The following INPP5A variants were observed in gnomAD, a reference collection of about 807,000 sequenced individuals.
INPP5A encodes inositol polyphosphate-5-phosphatase A.
In INPP5A, 14 loss-of-function variants were observed where a neutral mutation model predicts 65.2. The ratio of observed to expected loss-of-function variants is 0.21; its 90% CI spans 0.14 to 0.34. INPP5A has a LOEUF of 0.34. Ranked by LOEUF, INPP5A falls within the 10% of genes least tolerant of loss-of-function variation. INPP5A has a pLI of 1.00. For missense variants in INPP5A, 431 were observed against 545.6 expected (o/e 0.79, Z 2.09); for synonymous variants, 207 against 208.3 (o/e 0.99, Z 0.05).
chr10:132,721,450 G>C (rs1338256039), intron 8 of INPP5A, among the ~76,000 whole-genome samples: 2 of 151,572 alleles, frequency 1.3e-5, no homozygotes, highest in Admixed American at 6.6e-5. Flanking sequence ...TGTGGTACCT[G>C]GGTTCTGTCT....
chr10:132,617,205 G>C (rs1564936260), intron 2 of INPP5A, among the ~76,000 whole-genome samples: 1 of 152,192 alleles, frequency 6.6e-6, no homozygotes, highest in Admixed American at 6.5e-5. Flanking sequence ...CTGAGGCAGA[G>C]CCAGGACAGA....
Position 132,781,900 on chromosome 10 carries a change from A to G in INPP5A, c.1198A>G (p.Lys400Glu), listed in dbSNP as rs1847169555. 2 of 1,613,754 alleles carry G rather than the reference A, an allele frequency of 1.2e-6. No individual in the cohort carries two copies. The highest frequency in any genetic ancestry group is 2.7e-5 in the African/African-American group (2 of 74,944). Residue 400 changes from lysine (K) to glutamate (E), a missense_variant, in exon 15 of 16, where the codon AAA becomes GAA. By Grantham distance (56) the Lys-to-Glu change is moderately conservative (BLOSUM62 1). Coordinates refer to ENST00000368594, the MANE Select transcript of INPP5A (RefSeq NM_005539.5). ...CTTCCGAATCATGCCCGGGGCAGGT[A>G]AACCTCATGCCCATGTGCACAAGTG... ...LAFRIMPGAG[K>E]PHAHVHKCCV...
At chr10:132,724,884 C>T (rs55791349) in intron 8 of INPP5A, among the ~76,000 whole-genome samples, 3,211 of 150,316 alleles carry the variant, frequency 0.021, 52 homozygotes, top group South Asian at 0.051. Flanking sequence ...ACGGGGAGGC[C>T]CCAGGATGAC....
chr10:132,707,890 G>A lies in INPP5A; in HGVS notation c.475-423G>A, dbSNP rs545341713. 5.4e-4 allele frequency among the ~76,000 whole-genome samples: 83 copies of A among 152,328 alleles called. No individual in the cohort carries two copies. The highest frequency in any genetic ancestry group is 9.8e-4 in the Non-Finnish European group (67 of 68,032). On this transcript the variant is annotated intron_variant, in intron 6 of 15. Coordinates refer to ENST00000368594, the MANE Select transcript of INPP5A (RefSeq NM_005539.5). The surrounding 1 kb of genome is among the most constrained non-coding windows in gnomAD (Gnocchi z 5.5). ...ACCACACACACTGTTGGGGTGGGCA[G>A]GTCACCCACTGTCCAGGACGCCTGG...
At chr10:132,772,550 CA>C (rs1238183117) in intron 12 of INPP5A, among the ~76,000 whole-genome samples, 1 of 115,350 alleles carries the variant, frequency 8.7e-6, no homozygotes, top group African/African-American at 3.2e-5. Flanking sequence ...AGCACTGACA[CA>C]GAGGCCACGG....
intron 2 of INPP5A, among the ~76,000 whole-genome samples, chr10:132,639,768 T>C (rs2072403041): frequency 6.6e-6 from 1 of 152,220 alleles, no homozygotes; most frequent in Non-Finnish European, 1.5e-5. Flanking sequence ...TTGCTGAACC[T>C]TTGTGCTTTC....
chr10:132,742,744 G>C (rs138980118), intron 9 of INPP5A, among the ~76,000 whole-genome samples: 1 of 152,200 alleles, frequency 6.6e-6, no homozygotes. Context: ...GGAATCCCTG[G>C]TGAACCGGGG....
chr10:132,680,606 T>C (rs1281706208), intron 4 of INPP5A, among the ~76,000 whole-genome samples: 5 of 152,222 alleles, frequency 3.3e-5, no homozygotes, highest in Non-Finnish European at 5.9e-5. Context: ...GGGAGCCCCT[T>C]TCTGGGCTGG....
In INPP5A at chr10:132,680,058, C is replaced by T. The variant is rs182845120; in HGVS notation, c.307-10334C>T. 1.1e-3 allele frequency among the ~76,000 whole-genome samples: 168 copies of T among 152,306 alleles called. 1 individual carries two copies. Among genetic ancestry groups the T allele is most frequent in the African/African-American group, 3.9e-3 (162 of 41,564 alleles). ...TTGGATTTGGCGATGATTTCTCAGA[C>T]GCAGCACCAAAGGCACAGGCAGCAA... is the stretch of plus-strand genomic sequence containing the variant. On this transcript the variant is annotated intron_variant, in intron 4 of 15. Transcript: ENST00000368594.
intron 1 of INPP5A, among the ~76,000 whole-genome samples, chr10:132,599,080 C>T (rs902780249): frequency 3.3e-5 from 5 of 152,200 alleles, no homozygotes; most frequent in African/African-American, 1.2e-4. Flanking sequence ...TCCCTGGCCC[C>T]TCCAAACCTC....
intron 2 of INPP5A, among the ~76,000 whole-genome samples, chr10:132,636,383 G>A (rs73401229): frequency 2.0e-5 from 3 of 152,184 alleles, no homozygotes; most frequent in African/African-American, 7.2e-5. Context: ...CACACGATTC[G>A]AGTGGTGGTT....
chr10:132,548,743 C>G (rs751855050), intron 1 of INPP5A, among the ~76,000 whole-genome samples: 1 of 147,420 alleles, frequency 6.8e-6, no homozygotes, highest in Non-Finnish European at 1.5e-5. Flanking sequence ...CATAACGCAG[C>G]GTTTCAAGGT....
At position 132,762,082 on chromosome 10, in the gene INPP5A, G is replaced by C. The variant is rs921957468; in HGVS notation, c.904-3691G>C. 6.6e-6 allele frequency among the ~76,000 whole-genome samples: 1 copy of C among 152,160 alleles called. No individual in the cohort carries two copies. Among genetic ancestry groups the C allele is most frequent in the Non-Finnish European group, 1.5e-5 (1 of 68,032 alleles). Reference sequence around the variant, plus strand: ...ATTGAGGAATGGGATGGCAGGCCTGGGGAATGGCCCAGAATGCAGCACAGA... The same window carrying C: ...ATTGAGGAATGGGATGGCAGGCCTGCGGAATGGCCCAGAATGCAGCACAGA... On this transcript the variant is annotated intron_variant, in intron 11 of 15. Transcript: ENST00000368594. The surrounding 1 kb of genome is among the most constrained non-coding windows in gnomAD (Gnocchi z 4.6).
intron 5 of INPP5A, among the ~76,000 whole-genome samples, chr10:132,694,064 A>G (rs1454233538): frequency 1.3e-5 from 2 of 152,258 alleles, no homozygotes; most frequent in Non-Finnish European, 2.9e-5. Context: ...TCATCCAGTA[A>G]CAGCAGAATC....
intron 1 of INPP5A, among the ~76,000 whole-genome samples, chr10:132,604,173 G>A (rs1408483708): frequency 4.8e-5 from 7 of 145,126 alleles, no homozygotes; most frequent in South Asian, 2.2e-4. Context: ...GCCCTGCACC[G>A]TCAGGGTCCC....
chr10:132,701,055 A>G (rs1845428573), intron 6 of INPP5A, among the ~76,000 whole-genome samples: 2 of 152,232 alleles, frequency 1.3e-5, no homozygotes, highest in African/African-American at 4.8e-5. Context: ...AATTAATTCC[A>G]CTAATGCTCT....
At chr10:132,702,940 G>A (rs1292268487) in intron 6 of INPP5A, among the ~76,000 whole-genome samples, 4 of 152,166 alleles carry the variant, frequency 2.6e-5, no homozygotes, top group Non-Finnish European at 4.4e-5. Context: ...GGGCACTACC[G>A]CGAGTCTGGA....
At chr10:132,691,951 C>G (rs1422748969) in intron 5 of INPP5A, among the ~76,000 whole-genome samples, 4 of 151,480 alleles carry the variant, frequency 2.6e-5, no homozygotes, top group African/African-American at 9.8e-5. Flanking sequence ...GGCGTGCGGT[C>G]CTGGCAGGCG....
At chr10:132,635,964 C>T (rs965699227) in intron 2 of INPP5A, among the ~76,000 whole-genome samples, 3 of 133,340 alleles carry the variant, frequency 2.2e-5, no homozygotes, top group African/African-American at 8.8e-5. Context: ...GGTGACAGAG[C>T]GAAATCCTAT....
Sources: gnomAD v4.1 joint callset for allele counts (sites outside exome capture counted in the v4.1 genomes callset) on GRCh38, gnomAD v4.1.1 for gene constraint, Gnocchi (gnomAD v3.1) non-coding constraint, MANE v1.5 for transcripts, NCBI Gene and HGNC (gene_info 2026-07-23, HGNC 2026-07-21) for gene names.